The following TMEM132C variants were observed in gnomAD, a reference collection of about 807,000 sequenced individuals.
TMEM132C encodes transmembrane protein 132C.
A neutral mutation model predicts 61.4 loss-of-function variants in TMEM132C; 29 were observed. The observed-to-expected ratio is 0.47, with a 90% CI of 0.35 to 0.64. TMEM132C has a LOEUF of 0.64. TMEM132C is among the 30% of genes least tolerant of loss of function. The probability of loss-of-function intolerance (pLI) is 0.00; values close to 1 mark genes in which losing one functional copy is unlikely to be tolerated. For missense variants in TMEM132C, 1,408 were observed against 1,476.9 expected, an observed-to-expected ratio of 0.95 and a Z score of 0.76; for synonymous variants, 656 against 633.1, an observed-to-expected ratio of 1.04 and a Z score of -0.54.
At chr12:128,667,496 G>T (rs190309879) in intron 4 of TMEM132C, among the ~76,000 whole-genome samples, 1 of 152,204 alleles carries the variant, frequency 6.6e-6, no homozygotes, top group African/African-American at 2.4e-5. Flanking sequence ...GCCGAGGGTG[G>T]TAACTGCTGG....
intron 3 of TMEM132C, among the ~76,000 whole-genome samples, chr12:128,606,731 T>G (rs1876440158): frequency 1.3e-5 from 2 of 152,154 alleles, no homozygotes; most frequent in Non-Finnish European, 2.9e-5. Flanking sequence ...GTTTGTGGAC[T>G]CTGCCACAGA....
intron 1 of TMEM132C, among the ~76,000 whole-genome samples, chr12:128,335,955 T>G (rs1331862103): frequency 3.3e-5 from 5 of 152,240 alleles, no homozygotes; most frequent in African/African-American, 1.2e-4. Flanking sequence ...ATCTAATCCT[T>G]AATTATTCAC....
At chr12:128,406,243 T>C (rs1447402801) in intron 1 of TMEM132C, among the ~76,000 whole-genome samples, 4 of 152,176 alleles carry the variant, frequency 2.6e-5, no homozygotes, top group Non-Finnish European at 5.9e-5. Context: ...CTTACTGCTG[T>C]GTGAAGTGGC....
At chr12:128,698,347 A>G (rs556539504) in intron 8 of TMEM132C, among the ~76,000 whole-genome samples, 85 of 152,330 alleles carry the variant, frequency 5.6e-4, no homozygotes, top group African/African-American at 1.9e-3. Flanking sequence ...CAACCTGCAT[A>G]TGGGTGTTTA....
chr12:128,626,979 C>A (rs956870428), intron 4 of TMEM132C, among the ~76,000 whole-genome samples: 13 of 152,202 alleles, frequency 8.5e-5, no homozygotes, highest in African/African-American at 3.1e-4. Flanking sequence ...GGGCCTCTCC[C>A]TAGTAAGCAC....
At chr12:128,512,782 C>T (rs971916663) in intron 2 of TMEM132C, among the ~76,000 whole-genome samples, 7 of 152,196 alleles carry the variant, frequency 4.6e-5, no homozygotes, top group Admixed American at 4.6e-4. Flanking sequence ...GCCTGTTCCC[C>T]ACACTGCAGC....
chr12:128,501,909 A>G (rs1454205919), intron 2 of TMEM132C, among the ~76,000 whole-genome samples: 1 of 152,286 alleles, frequency 6.6e-6, no homozygotes, highest in East Asian at 1.9e-4. Context: ...ACATCCTGAG[A>G]GCCATCCTTG....
intron 1 of TMEM132C, among the ~76,000 whole-genome samples, chr12:128,281,494 G>A (rs1870895192): frequency 6.6e-6 from 1 of 152,178 alleles, no homozygotes; most frequent in African/African-American, 2.4e-5. Context: ...TGTGTCTCAT[G>A]GAGTTATTTA....
At chr12:128,335,861 C>T (rs1872780120) in intron 1 of TMEM132C, among the ~76,000 whole-genome samples, 1 of 152,118 alleles carries the variant, frequency 6.6e-6, no homozygotes, top group South Asian at 2.1e-4. Flanking sequence ...TATCCTTGCC[C>T]CCCAGGTGTT....
intron 2 of TMEM132C, among the ~76,000 whole-genome samples, chr12:128,485,782 T>G (rs1418491881): frequency 6.6e-6 from 1 of 152,206 alleles, no homozygotes; most frequent in Non-Finnish European, 1.5e-5. Context: ...CGGATTGCTC[T>G]TCCCCCTTCC....
intron 4 of TMEM132C, among the ~76,000 whole-genome samples, chr12:128,653,902 G>C (rs1954298466): frequency 6.6e-6 from 1 of 152,190 alleles, no homozygotes; most frequent in African/African-American, 2.4e-5. Context: ...CTGTCCGGAG[G>C]CCAGAAGGGC....
At chr12:128,609,695 A>G (rs73428421) in intron 3 of TMEM132C, among the ~76,000 whole-genome samples, 5,263 of 152,196 alleles carry the variant, frequency 0.035, 281 homozygotes, top group African/African-American at 0.12. Flanking sequence ...AGCATGGATG[A>G]AGGAGGGACT....
Position 128,476,051 on chromosome 12 carries a change from C to T in TMEM132C, c.974+60431C>T, listed in dbSNP as rs535548325. Among the ~76,000 whole-genome samples the T allele has an allele frequency of 2.2e-4, 34 of 152,278 alleles. No homozygotes were observed. The South Asian group carries it at 6.2e-3, about 28-fold the overall frequency. On this transcript the variant is annotated intron_variant, in intron 2 of 8. Transcript: ENST00000435159. The stretch of plus-strand genomic sequence containing the variant: ...TCAAGCCATCTTCTGGGCCCTAGGA[C>T]GTGAGCTTGCAACTGAGTTCCTGCT...
chr12:128,471,819 C>G (rs1017099741), intron 2 of TMEM132C, among the ~76,000 whole-genome samples: 3 of 152,166 alleles, frequency 2.0e-5, no homozygotes, highest in African/African-American at 7.2e-5. Flanking sequence ...TAGATGGTGG[C>G]TGCCCTGAAG....
At chr12:128,382,491 A>G (rs114366426) in intron 1 of TMEM132C, among the ~76,000 whole-genome samples, 3 of 152,208 alleles carry the variant, frequency 2.0e-5, no homozygotes, top group Non-Finnish European at 2.9e-5. Context: ...TTTAATATCA[A>G]TAACCACATG....
intron 5 of TMEM132C, among the ~76,000 whole-genome samples, chr12:128,685,801 G>A (rs1395845424): frequency 6.6e-6 from 1 of 152,108 alleles, no homozygotes; most frequent in African/African-American, 2.4e-5. Context: ...GTGTGATCAC[G>A]GGCAAGGTAC....
At position 128,365,651 on chromosome 12, in the gene TMEM132C, C is replaced by T. The variant is rs566226729; in HGVS notation, c.86-49081C>T. Among the ~76,000 whole-genome samples the T allele has an allele frequency of 1.3e-4, 20 of 152,272 alleles. No individual in the cohort carries two copies. In the South Asian group the frequency reaches 3.5e-3, roughly 27 times the overall value. On this transcript the variant is annotated intron_variant, in intron 1 of 8. Coordinates refer to ENST00000435159, the MANE Select transcript of TMEM132C (RefSeq NM_001136103.3). ...ATTTTAGCCGTGGTTGTTGGAGTAC[C>T]GGTTCCAGCAGGAGCTGTGATTTCC...
At chr12:128,583,737 G>A (rs1875435332) in intron 3 of TMEM132C, among the ~76,000 whole-genome samples, 1 of 152,210 alleles carries the variant, frequency 6.6e-6, no homozygotes, top group Non-Finnish European at 1.5e-5. Flanking sequence ...TGGCCACACA[G>A]CAGCCGCCCC....
chr12:128,374,077 G>A (rs1410094149), intron 1 of TMEM132C, among the ~76,000 whole-genome samples: 3 of 152,322 alleles, frequency 2.0e-5, no homozygotes, highest in Non-Finnish European at 4.4e-5. Flanking sequence ...GCTCCATGCT[G>A]TGTAAGACAC....
Sources: gnomAD v4.1 joint callset for allele counts (sites outside exome capture counted in the v4.1 genomes callset) on GRCh38, gnomAD v4.1.1 for gene constraint, MANE v1.5 for transcripts, NCBI Gene and HGNC (gene_info 2026-07-23, HGNC 2026-07-21) for gene names.